The following SIPA1L2 variants were observed in gnomAD, a reference collection of about 807,000 sequenced individuals.
SIPA1L2 encodes the protein signal-induced proliferation-associated 1-like protein 2.
SIPA1L2 carries 56 observed loss-of-function variants against 163.9 expected under a neutral mutation model. The ratio of observed to expected loss-of-function variants is 0.34; its 90% confidence interval spans 0.28 to 0.43. The LOEUF (loss-of-function observed/expected upper bound fraction) is 0.43, where lower values mean the gene tolerates loss of function less well. Ranked by LOEUF, SIPA1L2 falls within the 20% of genes least tolerant of loss-of-function variation. The pLI, the probability that SIPA1L2 is intolerant of heterozygous loss-of-function variation, is 1.00. For missense variants in SIPA1L2, 1,974 were observed against 2,193.5 expected, an observed-to-expected ratio of 0.90 and a Z score of 2.00; for synonymous variants, 877 against 865.7, an observed-to-expected ratio of 1.01 and a Z score of -0.23.
intron 1 of SIPA1L2, among the ~76,000 whole-genome samples, chr1:232,593,224 C>CT (rs1558291246): frequency 6.6e-6 from 1 of 152,046 alleles, no homozygotes; most frequent in African/African-American, 2.4e-5. Flanking sequence ...ATTCAACTCT[C>CT]TCATAGAGAT....
intron 20 of SIPA1L2, 95 bp from the exon 21 acceptor site, chr1:232,403,666 T>C (rs2275304): frequency 0.071 from 103,230 of 1,451,516 alleles, 7,929 homozygotes; most frequent in East Asian, 0.48. Context: ...TAAAATCTTT[T>C]CCCCCCTTCA....
intron 1 of SIPA1L2, among the ~76,000 whole-genome samples, chr1:232,625,465 AT>A (rs1663024144): frequency 6.6e-6 from 1 of 152,242 alleles, no homozygotes; most frequent in Non-Finnish European, 1.5e-5. Context: ...AGGTTTTGCA[AT>A]GACATCAGCG....
In SIPA1L2 at chr1:232,464,963, A is replaced by C. The variant is rs1664430578; in HGVS notation, c.2697T>G (p.Asp899Glu). 1 of 1,614,094 alleles carries C rather than the reference A, an allele frequency of 6.2e-7. No individual in the cohort carries two copies. The highest frequency in any genetic ancestry group is 1.3e-5 in the African/African-American group (1 of 74,924). ...KNVVFNCSCR[D>E]VIGWTSGLVS... ...CTAATCCAGATGTCCACCCAATCAC[A>C]TCCCTGCAGGAACAGTTGAATACAA... The change falls in exon 9 of 23, where the codon GAT becomes GAG. Residue 899 changes from aspartate to glutamate, a missense_variant. This residue lies in a region of SIPA1L2 where 1,079 missense variants were observed against 1,150.7 expected (regional missense o/e 0.94). Transcript: ENST00000674635.
At chr1:232,427,909 G>A (rs750239235) in intron 17 of SIPA1L2, among the ~76,000 whole-genome samples, 2 of 152,214 alleles carry the variant, frequency 1.3e-5, no homozygotes, top group Non-Finnish European at 1.5e-5. Context: ...CATTTAAGGA[G>A]AGACAGCTTG....
intron 3 of SIPA1L2, among the ~76,000 whole-genome samples, chr1:232,497,402 C>G (rs996476123): frequency 6.6e-6 from 1 of 152,158 alleles, no homozygotes; most frequent in Non-Finnish European, 1.5e-5. Flanking sequence ...CCGGGGCCTT[C>G]TGCACAGACA....
rs1664437186 is a variant in SIPA1L2 at position 232,465,065 on chromosome 1, G to C, written c.2595C>G (p.Gly865=). Residue 865 remains glycine (G), a synonymous_variant, in exon 9 of 23, where the codon GGC becomes GGG. Coordinates refer to ENST00000674635, the MANE Select transcript of SIPA1L2 (RefSeq NM_020808.5). This position sits in a 1 kb window ranked among gnomAD's most constrained non-coding sequence, Gnocchi z 4.1. Reference sequence around the variant, plus strand: ...GAAGACATTCAATGTCAGCAGACTGGCCGAAGTCCCGGGCTATCACGTGCC... The same window carrying C: ...GAAGACATTCAATGTCAGCAGACTGCCCGAAGTCCCGGGCTATCACGTGCC... ...IMWHVIARDF[G]QSADIECLLG... is the part of the protein sequence containing the mutation. 1 of 1,614,166 alleles carries C rather than the reference G, an allele frequency of 6.2e-7. No individual in the cohort carries two copies. Among genetic ancestry groups the C allele is most frequent in the Non-Finnish European group, 8.5e-7 (1 of 1,180,028 alleles).
At chr1:232,526,151 C>A (rs946565168) in intron 2 of SIPA1L2, among the ~76,000 whole-genome samples, 1 of 152,198 alleles carries the variant, frequency 6.6e-6, no homozygotes, top group Non-Finnish European at 1.5e-5. Flanking sequence ...CTCTCCTAGT[C>A]CCTGTAGTGC....
At chr1:232,443,120 C>CA (rs2102866588) in intron 12 of SIPA1L2, among the ~76,000 whole-genome samples, 2 of 152,332 alleles carry the variant, frequency 1.3e-5, no homozygotes, top group East Asian at 3.9e-4. Flanking sequence ...TTGGTCAACT[C>CA]AGTGTCTTTG....
chr1:232,458,509 T>C (rs984452279), intron 10 of SIPA1L2, among the ~76,000 whole-genome samples: 2 of 152,218 alleles, frequency 1.3e-5, no homozygotes, highest in African/African-American at 2.4e-5. Flanking sequence ...TCTTGAAAGC[T>C]TTAAAAATTT....
In SIPA1L2 at chr1:232,630,121, G is replaced by A. The variant is rs1195803894; in HGVS notation, c.-571C>T. Among the ~76,000 whole-genome samples the A allele has an allele frequency of 1.3e-5, 2 of 151,144 alleles. No individual in the cohort carries two copies. The highest frequency in any genetic ancestry group is 1.5e-5 in the Non-Finnish European group (1 of 67,662). The stretch of plus-strand genomic sequence containing the variant: ...TCCTCTCGCTCCGCCAGCTCCTCCC[G>A]GGCTCCCAGTCTGCCGCGCCGGCTC... On this transcript the variant is annotated 5_prime_UTR_variant, in exon 1 of 23. Transcript: ENST00000674635.
intron 1 of SIPA1L2, among the ~76,000 whole-genome samples, chr1:232,625,652 T>A (rs1483662948): frequency 6.6e-6 from 1 of 152,158 alleles, no homozygotes; most frequent in South Asian, 2.1e-4. Flanking sequence ...ACACAGGTCA[T>A]GTTCACGGGT....
At position 232,439,153 on chromosome 1, in the gene SIPA1L2, G is replaced by GC; in HGVS notation, c.3985dup (p.Ala1329GlyfsTer10). ...ACTGAGATCGCCCATGCTGCCTTCCGCAGCACTGCCGGCGGAGATGGTGGA... is the reference window on the plus strand; with the variant it reads ...ACTGAGATCGCCCATGCTGCCTTCCGCCAGCACTGCCGGCGGAGATGGTGGA... On this transcript the variant is annotated frameshift_variant, in exon 15 of 23. Transcript: ENST00000674635. LOFTEE classifies it high-confidence loss of function. 6.2e-7 allele frequency: 1 copy of GC among 1,612,978 alleles called. No homozygotes were observed.
At chr1:232,624,622 TA>T (rs1306555446) in intron 1 of SIPA1L2, among the ~76,000 whole-genome samples, 1 of 152,226 alleles carries the variant, frequency 6.6e-6, no homozygotes, top group East Asian at 1.9e-4. Context: ...AGAGTTTGAA[TA>T]AACTACCAGA....
intron 1 of SIPA1L2, among the ~76,000 whole-genome samples, chr1:232,605,234 A>T (rs6697289): frequency 2.6e-5 from 4 of 151,982 alleles, no homozygotes; most frequent in Non-Finnish European, 5.9e-5. Flanking sequence ...GTCTGGTGTC[A>T]AACTCCTGGG....
intron 2 of SIPA1L2, among the ~76,000 whole-genome samples, chr1:232,546,396 C>T (rs1051954639): frequency 1.3e-5 from 2 of 152,204 alleles, no homozygotes; most frequent in African/African-American, 4.8e-5. Context: ...TGGCCCACTC[C>T]TCTTTAGTAA....
At chr1:232,618,785 T>TA (rs1662641929) in intron 1 of SIPA1L2, among the ~76,000 whole-genome samples, 1 of 152,222 alleles carries the variant, frequency 6.6e-6, no homozygotes, top group South Asian at 2.1e-4. Flanking sequence ...GTTGCAAATA[T>TA]AATACTATGT....
chr1:232,571,287 A>T (rs1659713037), intron 2 of SIPA1L2, among the ~76,000 whole-genome samples: 1 of 152,236 alleles, frequency 6.6e-6, no homozygotes, highest in African/African-American at 2.4e-5. Flanking sequence ...GACAATGAGA[A>T]GATGTCTACA....
intron 2 of SIPA1L2, among the ~76,000 whole-genome samples, chr1:232,535,688 G>T (rs1657261291): frequency 6.6e-6 from 1 of 152,152 alleles, no homozygotes; most frequent in Non-Finnish European, 1.5e-5. Context: ...AAATGCAACT[G>T]AATGCCAGAC....
intron 2 of SIPA1L2, among the ~76,000 whole-genome samples, chr1:232,567,690 A>G (rs944867237): frequency 6.6e-6 from 1 of 152,208 alleles, no homozygotes; most frequent in Non-Finnish European, 1.5e-5. Context: ...ATTTCCTGGT[A>G]TACAACTCCT....
Sources: gnomAD v4.1 joint callset for allele counts (sites outside exome capture counted in the v4.1 genomes callset) on GRCh38, gnomAD v4.1.1 for gene constraint, gnomAD v4.1.1 regional missense constraint, Gnocchi (gnomAD v3.1) non-coding constraint, MANE v1.5 for transcripts, NCBI Gene and HGNC (gene_info 2026-07-23, HGNC 2026-07-21) for gene names.